The following NPC1L1 variants were observed in gnomAD, a reference collection of about 807,000 sequenced individuals.
NPC1L1 encodes the protein NPC1 like intracellular cholesterol transporter 1, also known as NPC1-like intracellular cholesterol transporter 1.
Under a neutral mutation model 117.0 loss-of-function variants are expected in NPC1L1, and 98 were observed. The observed-to-expected ratio is 0.84, with a 90% confidence interval of 0.71 to 0.99. NPC1L1 has a LOEUF of 0.99. NPC1L1 is among the 50% of genes least tolerant of loss of function. The pLI is 0.00. For missense variants in NPC1L1, 1,540 were observed against 1,710.0 expected, an observed-to-expected ratio of 0.90 and a Z score of 1.75; for synonymous variants, 729 against 727.6, an observed-to-expected ratio of 1.00 and a Z score of -0.03.
chr7:44,516,418 A>G (rs1801188050), intron 16 of NPC1L1, among the ~76,000 whole-genome samples: 3 of 152,176 alleles, frequency 2.0e-5, no homozygotes. Context: ...AGCCTGGGCA[A>G]CAAAGTGAGA....
In NPC1L1 at chr7:44,539,236, G is replaced by C. The variant is rs776450360; in HGVS notation, c.1161C>G (p.Asn387Lys). 42 of 1,614,026 alleles carry C rather than the reference G, an allele frequency of 2.6e-5. No homozygotes were observed. Among genetic ancestry groups the C allele is most frequent in the Non-Finnish European group, 3.6e-5 (42 of 1,180,042 alleles). Reference sequence around the variant, plus strand: ...AAGCTTTCTCACTCCGGGCTTGGCTGTTGGGGGCCGACCACAGCTCCACGG... The same window carrying C: ...AAGCTTTCTCACTCCGGGCTTGGCTCTTGGGGGCCGACCACAGCTCCACGG... The part of the protein sequence containing the change: ...TDPVELWSAP[N>K]SQARSEKAFH... The change falls in exon 2 of 19, where the codon AAC (asparagine) becomes AAG (lysine). Residue 387 changes from asparagine to lysine, a missense_variant. This residue lies in a region of NPC1L1 where 793 missense variants were observed against 820.4 expected (regional missense o/e 0.97). Coordinates refer to ENST00000381160, the MANE Select transcript of NPC1L1 (RefSeq NM_001101648.2). This position sits in a 1 kb window ranked among gnomAD's most constrained non-coding sequence, Gnocchi z 4.4.
intron 18 of NPC1L1, among the ~76,000 whole-genome samples, chr7:44,514,495 C>A (rs1378722309): frequency 6.6e-6 from 1 of 151,868 alleles, no homozygotes; most frequent in South Asian, 2.1e-4. Flanking sequence ...CATGGTGAAA[C>A]CTGTCTCCAA....
At chr7:44,523,245 G>T (rs1257903348) in intron 10 of NPC1L1, among the ~76,000 whole-genome samples, 1 of 152,030 alleles carries the variant, frequency 6.6e-6, no homozygotes, top group Non-Finnish European at 1.5e-5. Flanking sequence ...TAAAAGAGAT[G>T]GGGTTTCACC....
intron 10 of NPC1L1, among the ~76,000 whole-genome samples, chr7:44,523,053 T>C (rs1801408374): frequency 6.6e-6 from 1 of 152,116 alleles, no homozygotes; most frequent in Admixed American, 6.6e-5. Flanking sequence ...ATAACTATTT[T>C]GTTTTTGTTT....
chr7:44,524,166 A>G (rs989279869), intron 10 of NPC1L1, among the ~76,000 whole-genome samples: 10 of 152,220 alleles, frequency 6.6e-5, no homozygotes, highest in Admixed American at 5.9e-4. Context: ...CACACTGCAT[A>G]AATGCTCAGA....
intron 14 of NPC1L1, chr7:44,518,663 G>A: frequency 2.6e-6 from 3 of 1,148,560 alleles, no homozygotes; most frequent in South Asian, 1.4e-5. Context: ...AATGGCAACT[G>A]TGTCTCAAAA....
chr7:44,516,882 A>G lies in NPC1L1; in HGVS notation c.3340T>C (p.Phe1114Leu), dbSNP rs1563200956. 1.2e-6 allele frequency: 2 copies of G among 1,614,162 alleles called. No individual in the cohort carries two copies. Among genetic ancestry groups the G allele is most frequent in the Non-Finnish European group, 8.5e-7 (1 of 1,180,034 alleles). The change falls in exon 16 of 19, where the codon TTC becomes CTC. Residue 1114 changes from phenylalanine to leucine, a missense_variant. Coordinates refer to ENST00000381160, the MANE Select transcript of NPC1L1 (RefSeq NM_001101648.2). ...GGCACAAGGCAGAGGCTGAGCATGA[A>G]GAGCCCCTCAGGGAGGATGGTCAGG... ...QYLTILPEGL[F>L]MLSLCLVPTF...
chr7:44,519,043 TCTTTC>T (rs747589818), intron 14 of NPC1L1, among the ~76,000 whole-genome samples: 1 of 146,380 alleles, frequency 6.8e-6, no homozygotes, highest in Non-Finnish European at 1.5e-5. Context: ...TCTTTTCTTT[TCTTTC>T]CTTTTCTTCT....
intron 10 of NPC1L1, 118 bp downstream of exon 10, chr7:44,531,637 C>T: frequency 1.2e-6 from 1 of 851,810 alleles, no homozygotes; most frequent in Non-Finnish European, 1.9e-6. Flanking sequence ...GAGTAATGAA[C>T]AATTCTGCAC....
At position 44,534,480 on chromosome 7, in the gene NPC1L1, A is replaced by G. The variant is rs201898237; in HGVS notation, c.2133T>C (p.Ala711=). 6.2e-7 allele frequency: 1 copy of G among 1,614,148 alleles called. No individual in the cohort carries two copies. The highest frequency in any genetic ancestry group is 2.2e-5 in the East Asian group (1 of 44,876). Residue 711 remains alanine (A), a synonymous_variant, in exon 6 of 19, where the codon GCT becomes GCC. Transcript: ENST00000381160. This position sits in a 1 kb window ranked among gnomAD's most constrained non-coding sequence, Gnocchi z 5.2. ...VVPFLVLSVG[A]DNIFIFVLEY... Reference sequence around the variant, plus strand: ...CGAGAACAAAGATGAAGATGTTATCAGCCCCCACGGACAGCACCAGGAAAG... The same window carrying G: ...CGAGAACAAAGATGAAGATGTTATCGGCCCCCACGGACAGCACCAGGAAAG...
rs1801181330 is a variant in NPC1L1 at position 44,516,201 on chromosome 7, T to C, written c.3520-4A>G. The C allele has an allele frequency of 6.3e-7, 1 of 1,596,570 alleles. No individual in the cohort carries two copies. The highest frequency in any genetic ancestry group is 1.8e-5 in the Admixed American group (1 of 56,724). ...ACTCCACAGACATGCCCACCGCCTATGGGCAGAGAGGGGGCATAAGCCAAG... is the reference window on the plus strand; with the variant it reads ...ACTCCACAGACATGCCCACCGCCTACGGGCAGAGAGGGGGCATAAGCCAAG... On this transcript the variant is annotated splice_polypyrimidine_tract_variant and splice_region_variant and intron_variant, in intron 16 of 18. Transcript: ENST00000381160.
intron 10 of NPC1L1, among the ~76,000 whole-genome samples, chr7:44,529,544 A>C (rs146089791): frequency 2.6e-5 from 4 of 151,690 alleles, no homozygotes; most frequent in Non-Finnish European, 5.9e-5. Flanking sequence ...ATGCCCAGTT[A>C]ACTTTGTATT....
In NPC1L1 at chr7:44,538,745, G is replaced by C. The variant is rs947361549; in HGVS notation, c.1580+72C>G. 2 of 1,501,654 alleles carry C rather than the reference G, an allele frequency of 1.3e-6. No individual in the cohort carries two copies. Among genetic ancestry groups the C allele is most frequent in the Non-Finnish European group, 1.8e-6 (2 of 1,081,750 alleles). The allele number at this position is 1,501,654 out of a possible 1,614,324, so 93.0% of individuals were successfully genotyped here. ...CAGGACCAGCTGTATGCCCGGCCAG[G>C]TTCCCAGGAGGCCATGGCAGCCCAG... On this transcript the variant is annotated intron_variant, in intron 2 of 18. Transcript: ENST00000381160. This position sits in a 1 kb window ranked among gnomAD's most constrained non-coding sequence, Gnocchi z 5.9.
chr7:44,528,819 A>C (rs925286731), intron 10 of NPC1L1, among the ~76,000 whole-genome samples: 12 of 152,212 alleles, frequency 7.9e-5, no homozygotes, highest in African/African-American at 2.9e-4. Flanking sequence ...CTGTAATCCC[A>C]GCACTTTGGG....
intron 2 of NPC1L1, among the ~76,000 whole-genome samples, chr7:44,537,387 G>A (rs1801934126): frequency 6.6e-6 from 1 of 152,226 alleles, no homozygotes; most frequent in African/African-American, 2.4e-5. Context: ...GGCATGGGCT[G>A]TCTCAAACGT....
At chr7:44,537,845 C>T (rs886897029) in intron 2 of NPC1L1, among the ~76,000 whole-genome samples, 2 of 152,316 alleles carry the variant, frequency 1.3e-5, no homozygotes, top group African/African-American at 4.8e-5. Flanking sequence ...AACAATGGCT[C>T]CTCTCGTTCC....
rs781034910 is a variant in NPC1L1 at position 44,538,773 on chromosome 7, C to T, written c.1580+44G>A. 18 of 1,602,448 alleles carry T rather than the reference C, an allele frequency of 1.1e-5. No homozygotes were observed. The highest frequency in any genetic ancestry group is 1.5e-5 in the Non-Finnish European group (18 of 1,170,740). On this transcript the variant is annotated intron_variant, in intron 2 of 18. Transcript: ENST00000381160. This position sits in a 1 kb window ranked among gnomAD's most constrained non-coding sequence, Gnocchi z 5.9. ...CCCAGGAGGCCATGGCAGCCCAGCCCCAGCCCCAGCCCACTCCTCGCTTGG... is the reference window on the plus strand; with the variant it reads ...CCCAGGAGGCCATGGCAGCCCAGCCTCAGCCCCAGCCCACTCCTCGCTTGG...
Position 44,521,235 on chromosome 7 carries a change from C to A in NPC1L1, c.2954-117G>T. The A allele has an allele frequency of 7.3e-6, 10 of 1,370,690 alleles. No homozygotes were observed. In the South Asian group the frequency reaches 9.4e-5, roughly 13 times the overall value. The allele number at this position is 1,370,690 out of a possible 1,614,324, so 84.9% of individuals were successfully genotyped here. The stretch of plus-strand genomic sequence containing the variant: ...CCTGGGCACTCCAGCCTCAACCAGT[C>A]GCTTCTAGGGGGATTTGCATTTGTC... On this transcript the variant is annotated intron_variant, in intron 12 of 18. Coordinates refer to ENST00000381160, the MANE Select transcript of NPC1L1 (RefSeq NM_001101648.2).
intron 15 of NPC1L1, 133 bp downstream of exon 15, chr7:44,517,074 A>G: frequency 6.9e-7 from 1 of 1,446,254 alleles, no homozygotes; most frequent in Non-Finnish European, 9.7e-7. Context: ...AATAGGCCCA[A>G]GGCTGCAGCC....
Sources: gnomAD v4.1 joint callset for allele counts (sites outside exome capture counted in the v4.1 genomes callset) on GRCh38, gnomAD v4.1.1 for gene constraint, gnomAD v4.1.1 regional missense constraint, Gnocchi (gnomAD v3.1) non-coding constraint, MANE v1.5 for transcripts, NCBI Gene and HGNC (gene_info 2026-07-23, HGNC 2026-07-21) for gene names.